GRXCR1: variants seen among roughly 807,000 people sequenced by gnomAD.
The protein encoded by GRXCR1 is glutaredoxin and cysteine rich domain containing 1.
A neutral mutation model predicts 27.3 loss-of-function variants in GRXCR1; 27 were observed. The ratio of observed to expected loss-of-function variants is 0.99; its 90% CI spans 0.73 to 1.37. GRXCR1 has a LOEUF of 1.37. Among genes scored for constraint, GRXCR1 ranks in the 40% most tolerant of loss-of-function variants. The probability of loss-of-function intolerance (pLI) is 0.00; values close to 1 mark genes in which losing one functional copy is unlikely to be tolerated. For synonymous variants in GRXCR1, 122 were observed against 131.1 expected (o/e 0.93, Z 0.47); for missense variants, 379 against 354.4 (o/e 1.07, Z -0.56).
intron 1 of GRXCR1, among the ~76,000 whole-genome samples, chr4:42,959,132 T>C (rs1748072558): frequency 6.6e-6 from 1 of 151,996 alleles, no homozygotes; most frequent in African/African-American, 2.4e-5. Flanking sequence ...CTTATGTTTA[T>C]TGCATCATTA....
chr4:42,998,579 C>G (rs1712251313), intron 2 of GRXCR1, among the ~76,000 whole-genome samples: 1 of 152,144 alleles, frequency 6.6e-6, no homozygotes, highest in African/African-American at 2.4e-5. Flanking sequence ...AAAAAAATGT[C>G]TGTTTGTGGT....
chr4:42,940,732 A>C (rs1269920428), intron 1 of GRXCR1, among the ~76,000 whole-genome samples: 1 of 152,054 alleles, frequency 6.6e-6, no homozygotes, highest in Admixed American at 6.6e-5. Context: ...AACTTTAAAA[A>C]TTATCCACAT....
At chr4:42,960,527 A>AT (rs1748107562) in intron 1 of GRXCR1, among the ~76,000 whole-genome samples, 3 of 151,596 alleles carry the variant, frequency 2.0e-5, no homozygotes, top group Admixed American at 2.0e-4. Flanking sequence ...AATTACACTG[A>AT]TTTTTTCCAC....
intron 2 of GRXCR1, among the ~76,000 whole-genome samples, chr4:42,977,819 A>G (rs1029846724): frequency 6.6e-6 from 1 of 151,986 alleles, no homozygotes; most frequent in African/African-American, 2.4e-5. Context: ...ATGTAACACC[A>G]GTTGTCTATT....
intron 2 of GRXCR1, among the ~76,000 whole-genome samples, chr4:42,983,099 C>T (rs1359071151): frequency 1.3e-5 from 2 of 150,418 alleles, no homozygotes; most frequent in Non-Finnish European, 3.0e-5. Flanking sequence ...GTTGCCATTG[C>T]TTTTGGTGTT....
chr4:42,997,167 G>A (rs865792661), intron 2 of GRXCR1, among the ~76,000 whole-genome samples: 26 of 152,210 alleles, frequency 1.7e-4, no homozygotes, highest in African/African-American at 5.8e-4. Flanking sequence ...TTACCCATAG[G>A]TAAGATACAT....
At chr4:42,969,262 A>G (rs535845700) in intron 2 of GRXCR1, among the ~76,000 whole-genome samples, 7 of 152,248 alleles carry the variant, frequency 4.6e-5, no homozygotes, top group Admixed American at 4.6e-4. Flanking sequence ...GTAATTTTTA[A>G]ATTTTGGGGT....
intron 1 of GRXCR1, among the ~76,000 whole-genome samples, chr4:42,927,700 A>G (rs769168173): frequency 1.3e-5 from 2 of 152,012 alleles, no homozygotes; most frequent in African/African-American, 2.4e-5. Context: ...TTCTGCTAAG[A>G]TCTTTTGGAA....
intron 1 of GRXCR1, among the ~76,000 whole-genome samples, chr4:42,898,720 C>T (rs1482497008): frequency 6.6e-6 from 1 of 151,910 alleles, no homozygotes; most frequent in Non-Finnish European, 1.5e-5. Flanking sequence ...AATTAATTAT[C>T]AATTAATTAT....
At chr4:43,002,238 G>T (rs1333577651) in intron 2 of GRXCR1, among the ~76,000 whole-genome samples, 1 of 152,274 alleles carries the variant, frequency 6.6e-6, no homozygotes, top group East Asian at 1.9e-4. Context: ...GGGACAGTCA[G>T]GTCTTTCTCA....
chr4:42,901,176 G>A (rs1046304769), intron 1 of GRXCR1, among the ~76,000 whole-genome samples: 12 of 152,076 alleles, frequency 7.9e-5, no homozygotes, highest in African/African-American at 2.9e-4. Flanking sequence ...TAAAGCCTGC[G>A]GTATCCATAT....
intron 2 of GRXCR1, among the ~76,000 whole-genome samples, chr4:42,992,465 AT>A (rs535348335): frequency 1.3e-5 from 2 of 152,074 alleles, no homozygotes; most frequent in African/African-American, 4.8e-5. Flanking sequence ...GTAGGGAGCT[AT>A]TTTTTTCTGC....
chr4:42,932,601 TATATATATATATATATATAGAGAGAG>T (rs1462305687), intron 1 of GRXCR1, among the ~76,000 whole-genome samples: 27 of 59,152 alleles, frequency 4.6e-4, no homozygotes, highest in South Asian at 7.1e-4. Flanking sequence ...TATATATATA[TATATATATATATATATATAGAGAGAG>T]AGAGAGAGAG....
chr4:43,027,651 T>C (rs1339393242), intron 3 of GRXCR1, among the ~76,000 whole-genome samples: 1 of 152,228 alleles, frequency 6.6e-6, no homozygotes, highest in African/African-American at 2.4e-5. Context: ...TGTTCTTTGC[T>C]TGTAGTCACA....
chr4:43,000,916 C>T (rs775372362), intron 2 of GRXCR1, among the ~76,000 whole-genome samples: 14 of 151,788 alleles, frequency 9.2e-5, no homozygotes, highest in Non-Finnish European at 1.5e-4. Context: ...TCTCTTTCTT[C>T]AACTTCTCTC....
In GRXCR1 at chr4:42,948,543, C is replaced by T. The variant is rs553032690; in HGVS notation, c.385-14349C>T. Among the ~76,000 whole-genome samples the T allele has an allele frequency of 2.6e-5, 4 of 152,168 alleles. No individual in the cohort carries two copies. In the South Asian group the frequency reaches 6.2e-4, roughly 24 times the overall value. On this transcript the variant is annotated intron_variant, in intron 1 of 3. Transcript: ENST00000399770. ...GTCCAATAAGCCCTTTAGTCTTATG[C>T]CTATAACTTGGTATTTAAAATCCAT...
At chr4:42,897,921 CTATTAT>C (rs3075913) in intron 1 of GRXCR1, among the ~76,000 whole-genome samples, 2,132 of 127,048 alleles carry the variant, frequency 0.017, 59 homozygotes, top group African/African-American at 0.054. Context: ...AAAGTTATTA[CTATTAT>C]TATTATTATT....
At position 43,005,571 on chromosome 4, in the gene GRXCR1, G is replaced by A. The variant is rs115277882; in HGVS notation, c.628-14783G>A. ...ATGTTGCTCAAGAACAAATTACCAC[G>A]GCAAGATGAGAGACTGTGGCCAGAT... On this transcript the variant is annotated intron_variant, in intron 2 of 3. Transcript: ENST00000399770. Among the ~76,000 whole-genome samples the A allele has an allele frequency of 4.5e-3, 688 of 152,180 alleles. 3 individuals carry two copies. Among genetic ancestry groups the A allele is most frequent in the African/African-American group, 0.015 (642 of 41,514 alleles).
chr4:42,979,863 T>C (rs757955750), intron 2 of GRXCR1, among the ~76,000 whole-genome samples: 12 of 152,042 alleles, frequency 7.9e-5, no homozygotes, highest in Non-Finnish European at 1.5e-4. Context: ...TCTGTTCAGA[T>C]ATTTTATTTT....
Sources: gnomAD v4.1 joint callset for allele counts (sites outside exome capture counted in the v4.1 genomes callset) on GRCh38, gnomAD v4.1.1 for gene constraint, MANE v1.5 for transcripts, NCBI Gene and HGNC (gene_info 2026-07-23, HGNC 2026-07-21) for gene names.